Variants in LMF1 observed in about 807,000 individuals in gnomAD.
LMF1 encodes transmembrane protein 112.
A neutral mutation model predicts 60.6 loss-of-function variants in LMF1; 68 were observed. The observed-to-expected ratio is 1.12, with a 90% CI of 0.92 to 1.37. The LOEUF is 1.37. Among genes scored for constraint, LMF1 ranks in the 40% most tolerant of loss-of-function variants. LMF1 has a pLI of 0.00. For synonymous variants in LMF1, 418 were observed against 324.7 expected, an observed-to-expected ratio of 1.29 and a Z score of -3.09; for missense variants, 948 against 767.2, an observed-to-expected ratio of 1.24 and a Z score of -2.78.
rs143076454 is a variant in LMF1, at chr16:871,179, G to A, written c.1060C>T (p.Arg354Trp). 0.017 allele frequency: 26,491 copies of A among 1,603,258 alleles called. 268 individuals are homozygous for A. The highest frequency in any genetic ancestry group is 0.03 in the Middle Eastern group (158 of 5,322). Residue 354 changes from arginine to tryptophan, a missense_variant, in exon 7 of 11, where the codon CGG becomes TGG. By Grantham distance (101) the Arg-to-Trp change is moderately radical. Coordinates refer to ENST00000262301, the MANE Select transcript of LMF1 (RefSeq NM_022773.4). The part of the protein sequence containing the change: ...LQMQRDIRGA[R>W]PEPRFGSVVR... Reference sequence around the variant, plus strand: ...CACCTACCGAATCTGGGCTCGGGCCGGGCCCCTCGGATGTCCCTCTGCATC... The same window carrying A: ...CACCTACCGAATCTGGGCTCGGGCCAGGCCCCTCGGATGTCCCTCTGCATC...
chr16:910,868 A>G, intron 4 of LMF1, 63 bp downstream of exon 4: 1 of 1,595,506 alleles, frequency 6.3e-7, no homozygotes, highest in South Asian at 1.1e-5. Context: ...CTCTCCTAGA[A>G]GCCTCACAGG....
At chr16:896,320 G>A (rs911200283) in intron 4 of LMF1, among the ~76,000 whole-genome samples, 17 of 152,226 alleles carry the variant, frequency 1.1e-4, no homozygotes, top group African/African-American at 4.1e-4. Context: ...CTCTGGCGGG[G>A]CCATGTCTGG....
chr16:892,837 C>T lies in LMF1; in HGVS notation c.729+170G>A, dbSNP rs185035388. ...CCCGTCCCCGCAGCCCCAGCAAGCC[C>T]CCGTGTGACCACCCACCCCGTGAAG... is the stretch of plus-strand genomic sequence containing the variant. On this transcript the variant is annotated intron_variant, in intron 5 of 10. Transcript: ENST00000262301. Among the ~76,000 whole-genome samples, 354 of 152,346 alleles carry T rather than the reference C, an allele frequency of 2.3e-3. 2 individuals carry two copies. Among genetic ancestry groups the T allele is most frequent in the African/African-American group, 7.9e-3 (329 of 41,584 alleles).
At position 978,165 on chromosome 16, in the gene LMF1, CCA is replaced by C. The variant is rs374318361; in HGVS notation, c.-135+2978_-135+2979del. Among the ~76,000 whole-genome samples, 934 of 148,560 alleles carry C rather than the reference CCA, an allele frequency of 6.3e-3. 18 individuals carry two copies. The highest frequency in any genetic ancestry group is 0.022 in the African/African-American group (890 of 40,340). ...CATACATCATACACACACACACACACCACACACCATACACGCACCCCACACAC... is the reference window on the plus strand; with the variant it reads ...CATACATCATACACACACACACACACCACACCATACACGCACCCCACACAC... On this transcript the variant is annotated intron_variant, in intron 1 of 6. Coordinates refer to the LMF1 transcript ENST00000570014.
chr16:879,859 C>A, intron 5 of LMF1, 122 bp from the exon 6 acceptor site: 1 of 979,684 alleles, frequency 1.0e-6, no homozygotes, highest in Non-Finnish European at 1.5e-6. Flanking sequence ...CCCCCCGGCC[C>A]GCCTGGCCCT....
chr16:880,746 G>A (rs914561441), intron 5 of LMF1, among the ~76,000 whole-genome samples: 6 of 152,256 alleles, frequency 3.9e-5, no homozygotes, highest in African/African-American at 1.4e-4. Flanking sequence ...GGCAAATGGG[G>A]CCCAGGCCCC....
chr16:933,863 C>T, intron 3 of LMF1: 1 of 896,424 alleles, frequency 1.1e-6, no homozygotes, highest in Non-Finnish European at 1.5e-6. Flanking sequence ...GCCAAAGTGC[C>T]CACCAGCGTG....
intron 5 of LMF1, among the ~76,000 whole-genome samples, chr16:890,188 G>A (rs983485886): frequency 7.2e-5 from 11 of 152,202 alleles, no homozygotes; most frequent in Admixed American, 1.3e-4. Flanking sequence ...ACAGTGAACC[G>A]CAAAGAGCCG....
In LMF1 at chr16:966,171, G is replaced by C. The variant is rs2072918495; in HGVS notation, c.193+4617C>G. Among the ~76,000 whole-genome samples, 3 of 152,184 alleles carry C rather than the reference G, an allele frequency of 2.0e-5. No individual in the cohort carries two copies. In the South Asian group the frequency reaches 6.2e-4, roughly 32 times the overall value. The stretch of plus-strand genomic sequence containing the variant: ...CAGGTGGTCTCAGGACCACGGTCAG[G>C]AAGAGATGCCTCACGTGGCGGGGAC... On this transcript the variant is annotated intron_variant, in intron 1 of 10. Coordinates refer to ENST00000262301, the MANE Select transcript of LMF1 (RefSeq NM_022773.4).
chr16:962,380 G>A lies in LMF1; in HGVS notation c.194-7714C>T, dbSNP rs1303124156. 6.6e-6 allele frequency among the ~76,000 whole-genome samples: 1 copy of A among 152,202 alleles called. No homozygotes were observed. Among genetic ancestry groups the A allele is most frequent in the Non-Finnish European group, 1.5e-5 (1 of 68,040 alleles). ...CACAGAGGAATTCCACATAATGTCCGCAGACACTCCCTTCAGGAGGCGGGG... is the reference window on the plus strand; with the variant it reads ...CACAGAGGAATTCCACATAATGTCCACAGACACTCCCTTCAGGAGGCGGGG... On this transcript the variant is annotated intron_variant, in intron 1 of 10. Transcript: ENST00000262301. This position sits in a 1 kb window ranked among gnomAD's most constrained non-coding sequence, Gnocchi z 4.5.
intron 3 of LMF1, among the ~76,000 whole-genome samples, chr16:916,296 T>C (rs1356009092): frequency 6.6e-6 from 1 of 152,162 alleles, no homozygotes; most frequent in Non-Finnish European, 1.5e-5. Flanking sequence ...TCCATTAAGT[T>C]CGCTGTTAAA....
At chr16:914,136 A>G (rs1312665212) in intron 3 of LMF1, among the ~76,000 whole-genome samples, 1 of 151,692 alleles carries the variant, frequency 6.6e-6, no homozygotes, top group African/African-American at 2.4e-5. Flanking sequence ...GGACAGGGAC[A>G]TCCCCACCAC....
intron 4 of LMF1, chr16:902,009 C>G (rs1443746940): frequency 1.3e-5 from 2 of 152,466 alleles, no homozygotes; most frequent in Non-Finnish European, 2.9e-5. Flanking sequence ...CCCACACATA[C>G]AGCCAGCCTG....
chr16:980,654 G>C (rs1043774345), intron 1 of LMF1: 1 of 152,072 alleles, frequency 6.6e-6, no homozygotes, highest in African/African-American at 2.4e-5. Context: ...TGGTTGAAAG[G>C]ATCCGAGCCA....
At position 878,939 on chromosome 16, in the gene LMF1, T is replaced by C. The variant is rs187085715; in HGVS notation, c.897+631A>G. Among the ~76,000 whole-genome samples, 8 of 152,294 alleles carry C rather than the reference T, an allele frequency of 5.3e-5. No individual in the cohort carries two copies. In the East Asian group the frequency reaches 1.4e-3, roughly 26 times the overall value. On this transcript the variant is annotated intron_variant, in intron 6 of 10. Coordinates refer to ENST00000262301, the MANE Select transcript of LMF1 (RefSeq NM_022773.4). This position sits in a 1 kb window ranked among gnomAD's most constrained non-coding sequence, Gnocchi z 5.2. ...TCCTTGGGAATTGACAGTCGGAATG[T>C]AGCGTTTACAGGGAAAAGCAAAGGC...
intron 10 of LMF1, chr16:855,919 C>T (rs937325261): frequency 2.2e-6 from 1 of 455,996 alleles, no homozygotes; most frequent in Non-Finnish European, 4.4e-6. Flanking sequence ...TCTGGGTCCA[C>T]CCGGCTCCTC....
intron 1 of LMF1, chr16:980,003 G>A (rs1015280274): frequency 8.9e-6 from 3 of 335,494 alleles, no homozygotes; most frequent in South Asian, 2.3e-5. Context: ...GCAGGTGCCG[G>A]AGCCAAGCGA....
chr16:972,927 C>T (rs2073077567), upstream of LMF1, among the ~76,000 whole-genome samples: 2 of 152,224 alleles, frequency 1.3e-5, no homozygotes. Context: ...GTCCCATCCA[C>T]TGCCCAGAAT....
chr16:935,114 T>G (rs567626534), intron 2 of LMF1, among the ~76,000 whole-genome samples: 66 of 152,150 alleles, frequency 4.3e-4, no homozygotes, highest in African/African-American at 1.5e-3. Flanking sequence ...AATTTTTTTT[T>G]TTTTTTGAGA....
Sources: allele counts gnomAD v4.1 joint callset (sites outside exome capture counted in the v4.1 genomes callset), GRCh38; gene constraint gnomAD v4.1.1; non-coding constraint Gnocchi (gnomAD v3.1); transcripts MANE v1.5; gene names NCBI Gene and HGNC (gene_info 2026-07-23, HGNC 2026-07-21).